Variants in PRKAG2 observed in about 807,000 individuals in gnomAD.
The protein encoded by PRKAG2 is 5'-AMP-activated protein kinase subunit gamma-2.
In PRKAG2, 26 loss-of-function variants were observed where a neutral mutation model predicts 69.6. The ratio of observed to expected loss-of-function variants is 0.37; its 90% CI spans 0.27 to 0.52. The LOEUF is 0.52. Ranked by LOEUF, PRKAG2 falls within the 20% of genes least tolerant of loss-of-function variation. The pLI is 0.90. For synonymous variants in PRKAG2, 293 were observed against 285.0 expected (o/e 1.03, Z -0.28); for missense variants, 557 against 740.0 (o/e 0.75, Z 2.87).
At chr7:151,837,099 A>G (rs1212443471) in intron 1 of PRKAG2, among the ~76,000 whole-genome samples, 1 of 152,226 alleles carries the variant, frequency 6.6e-6, no homozygotes, top group Non-Finnish European at 1.5e-5. Flanking sequence ...TCTCTGGAAG[A>G]CATCACCGTA....
intron 4 of PRKAG2, among the ~76,000 whole-genome samples, chr7:151,663,529 T>C (rs75287109): frequency 0.01 from 1,545 of 152,076 alleles, 27 homozygotes; most frequent in African/African-American, 0.036. Flanking sequence ...GCCCAGCTAA[T>C]TTTTTGTATT....
rs182029061 is a variant in PRKAG2 at position 151,756,632 on chromosome 7, C to T, written c.466+24520G>A. Among the ~76,000 whole-genome samples, 7 of 152,318 alleles carry T rather than the reference C, an allele frequency of 4.6e-5. No homozygotes were observed. Among genetic ancestry groups the T allele is most frequent in the Admixed American group, 3.3e-4 (5 of 15,308 alleles). The stretch of plus-strand genomic sequence containing the variant: ...CCATAGCTACAGCCCCTTTGGCTCC[C>T]GTTCCTGCCAGACAGACCAACTGCA... On this transcript the variant is annotated intron_variant, in intron 3 of 15. Coordinates refer to ENST00000287878, the MANE Select transcript of PRKAG2 (RefSeq NM_016203.4). The surrounding 1 kb of genome is among the most constrained non-coding windows in gnomAD (Gnocchi z 4.9).
intron 1 of PRKAG2, among the ~76,000 whole-genome samples, chr7:151,819,681 T>A (rs1465205981): frequency 6.6e-6 from 1 of 152,232 alleles, no homozygotes; most frequent in Admixed American, 6.5e-5. Context: ...ACAGTTTCTC[T>A]ATCTTTCAAG....
intron 3 of PRKAG2, among the ~76,000 whole-genome samples, chr7:151,736,915 C>T (rs1259284903): frequency 6.6e-6 from 1 of 152,162 alleles, no homozygotes; most frequent in Non-Finnish European, 1.5e-5. Flanking sequence ...GGTGACTTCC[C>T]CAAGATCCTG....
rs2151780437 is a variant in PRKAG2, at chr7:151,771,843, T to C, written c.466+9309A>G. 6.6e-6 allele frequency among the ~76,000 whole-genome samples: 1 copy of C among 152,356 alleles called. No individual in the cohort carries two copies. Among genetic ancestry groups the C allele is most frequent in the East Asian group, 1.9e-4 (1 of 5,184 alleles). Reference sequence around the variant, plus strand: ...TCACAGTTTCTGGACCCGGTCGGGCTTACATATGACCCACTGAAATCCCTG... The same window carrying C: ...TCACAGTTTCTGGACCCGGTCGGGCCTACATATGACCCACTGAAATCCCTG... On this transcript the variant is annotated intron_variant, in intron 3 of 15. Coordinates refer to ENST00000287878, the MANE Select transcript of PRKAG2 (RefSeq NM_016203.4). The surrounding 1 kb of genome is among the most constrained non-coding windows in gnomAD (Gnocchi z 4.0).
chr7:151,560,567 A>G lies in PRKAG2; in HGVS notation c.1635T>C (p.Ile545=), dbSNP rs1804702981. 1.2e-6 allele frequency: 2 copies of G among 1,614,052 alleles called. No homozygotes were observed. Among genetic ancestry groups the G allele is most frequent in the Non-Finnish European group, 1.7e-6 (2 of 1,179,898 alleles). Residue 545 remains isoleucine (I), a synonymous_variant, in exon 15 of 16, where the codon ATT becomes ATC. Coordinates refer to ENST00000287878, the MANE Select transcript of PRKAG2 (RefSeq NM_016203.4). ...VNEADSIVGI[I]SLSDILQALI... is the part of the protein sequence containing the mutation. The stretch of plus-strand genomic sequence containing the variant: ...GGGCTTGCAGAATGTCCGACAGGGA[A>G]ATAATACCCACAATACTATCTGCTT...
At chr7:151,667,784 C>T (rs182451387) in intron 4 of PRKAG2, among the ~76,000 whole-genome samples, 155 of 152,276 alleles carry the variant, frequency 1.0e-3, no homozygotes, top group Non-Finnish European at 1.2e-3. Context: ...CTGTTCCTGC[C>T]GAGGTCACTC....
At chr7:151,664,383 C>A (rs1168981893) in intron 4 of PRKAG2, among the ~76,000 whole-genome samples, 1 of 152,104 alleles carries the variant, frequency 6.6e-6, no homozygotes, top group Non-Finnish European at 1.5e-5. Context: ...AGGAACTTCC[C>A]ATTAGCACAG....
chr7:151,608,677 A>G (rs1183601036), intron 5 of PRKAG2, among the ~76,000 whole-genome samples: 1 of 152,174 alleles, frequency 6.6e-6, no homozygotes. Flanking sequence ...ATGTCAGCAA[A>G]TGAAGCACGC....
chr7:151,607,916 C>T (rs902848159), intron 5 of PRKAG2, among the ~76,000 whole-genome samples: 1 of 152,122 alleles, frequency 6.6e-6, no homozygotes, highest in African/African-American at 2.4e-5. Context: ...CAGAATGAGA[C>T]CTTATTTGCA....
intron 3 of PRKAG2, among the ~76,000 whole-genome samples, chr7:151,738,264 G>A (rs192681044): frequency 1.8e-5 from 1 of 55,372 alleles, no homozygotes; most frequent in Non-Finnish European, 3.8e-5. Context: ...AGCCAGAGAT[G>A]CCCAGATCTG....
At position 151,813,150 on chromosome 7, in the gene PRKAG2, C is replaced by T. The variant is rs150908148; in HGVS notation, c.115-26609G>A. ...CCAGGGAGCTTCCCCCTCTCACTTA[C>T]TCTCAACTATTCACACCTAGCAGTC... On this transcript the variant is annotated intron_variant, in intron 1 of 15. Coordinates refer to ENST00000287878, the MANE Select transcript of PRKAG2 (RefSeq NM_016203.4). Among the ~76,000 whole-genome samples the T allele has an allele frequency of 6.6e-5, 10 of 152,284 alleles. No homozygotes were observed. In the East Asian group the frequency reaches 1.9e-3, roughly 29 times the overall value.
intron 4 of PRKAG2, among the ~76,000 whole-genome samples, chr7:151,645,268 G>C (rs1827367727): frequency 6.6e-6 from 1 of 152,160 alleles, no homozygotes; most frequent in Non-Finnish European, 1.5e-5. Flanking sequence ...TGCTGGCTTT[G>C]GTGAAGCAAG....
intron 1 of PRKAG2, among the ~76,000 whole-genome samples, chr7:151,794,714 G>C (rs926649732): frequency 6.6e-6 from 1 of 152,258 alleles, no homozygotes; most frequent in Non-Finnish European, 1.5e-5. Context: ...TATAATTAGA[G>C]AGCTGTCTTT....
At chr7:151,700,686 G>C (rs1354715393) in intron 3 of PRKAG2, among the ~76,000 whole-genome samples, 1 of 152,150 alleles carries the variant, frequency 6.6e-6, no homozygotes, top group Non-Finnish European at 1.5e-5. Context: ...TGAGTTCTGG[G>C]AGAAGACTGG....
intron 1 of PRKAG2, among the ~76,000 whole-genome samples, chr7:151,861,528 CAAAA>C (rs11406004): frequency 2.1e-5 from 2 of 96,590 alleles, no homozygotes; most frequent in African/African-American, 4.3e-5. Flanking sequence ...ACTCTGTCTC[CAAAA>C]AAAAAAAAAA....
chr7:151,876,080 TCCCTC>T (rs1308044997), intron 1 of PRKAG2, among the ~76,000 whole-genome samples: 1 of 17,866 alleles, frequency 5.6e-5, no homozygotes, highest in East Asian at 1.7e-3. Context: ...TCCCCTCTCC[TCCCTC>T]CCCTCCCCTC....
intron 4 of PRKAG2, among the ~76,000 whole-genome samples, chr7:151,641,915 C>A (rs532228046): frequency 6.6e-6 from 1 of 151,468 alleles, no homozygotes; most frequent in Admixed American, 6.6e-5. Context: ...TAATTCTTGG[C>A]CACATGCAGT....
At chr7:151,572,820 GA>G in intron 8 of PRKAG2, 111 bp from the exon 9 acceptor site, 1 of 717,934 alleles carries the variant, frequency 1.4e-6, no homozygotes, top group South Asian at 1.9e-5. Flanking sequence ...TTCGCAATTA[GA>G]AAATGAGGCG....
Sources: gnomAD v4.1 joint callset for allele counts (sites outside exome capture counted in the v4.1 genomes callset) on GRCh38, gnomAD v4.1.1 for gene constraint, Gnocchi (gnomAD v3.1) non-coding constraint, MANE v1.5 for transcripts, NCBI Gene and HGNC (gene_info 2026-07-23, HGNC 2026-07-21) for gene names.